PHACTR1: variants seen among roughly 807,000 people sequenced by gnomAD.
The protein encoded by PHACTR1 is phosphatase and actin regulator 1.
Under a neutral mutation model 69.2 loss-of-function variants are expected in PHACTR1, and 16 were observed. The ratio of observed to expected loss-of-function variants is 0.23; its 90% CI spans 0.16 to 0.35. PHACTR1 has a LOEUF of 0.35. PHACTR1 is among the 10% of genes least tolerant of loss of function. PHACTR1 has a pLI of 1.00. For missense variants in PHACTR1, 510 were observed against 734.7 expected, an observed-to-expected ratio of 0.69 and a Z score of 3.54; for synonymous variants, 312 against 284.5, an observed-to-expected ratio of 1.10 and a Z score of -0.97.
intron 11 of PHACTR1, chr6:13,274,721 C>T (rs993416102): frequency 1.3e-5 from 2 of 151,574 alleles, no homozygotes; most frequent in African/African-American, 2.4e-5. Flanking sequence ...TGGGAGACTA[C>T]AGGTCCTTTG....
intron 4 of PHACTR1, among the ~76,000 whole-genome samples, chr6:13,029,287 G>T (rs1802123541): frequency 6.6e-6 from 1 of 152,212 alleles, no homozygotes; most frequent in African/African-American, 2.4e-5. Flanking sequence ...CTGGACTTCA[G>T]GGGATGCCCT....
rs1466195767 is a variant in PHACTR1 at position 13,182,540 on chromosome 6, A to T, written c.518A>T (p.Asn173Ile). ...YDKDGELSIS[N>I]EEDSLENGQS... ...ACAGATGGGGAACTCTCTATATCCA[A>T]TGAAGAGGACTCCCTAGAAAATGGG... Residue 173 changes from asparagine to isoleucine, a missense_variant, in exon 7 of 15, where the codon AAT becomes ATT. Transcript: ENST00000332995. 6.2e-7 allele frequency: 1 copy of T among 1,613,924 alleles called. No homozygotes were observed. Among genetic ancestry groups the T allele is most frequent in the Non-Finnish European group, 8.5e-7 (1 of 1,179,832 alleles).
intron 4 of PHACTR1, among the ~76,000 whole-genome samples, chr6:12,897,991 T>G (rs1784839792): frequency 6.6e-6 from 1 of 152,170 alleles, no homozygotes; most frequent in African/African-American, 2.4e-5. Context: ...TGTGTTAGTT[T>G]GCTGAGAATA....
intron 5 of PHACTR1, among the ~76,000 whole-genome samples, chr6:13,077,137 G>A (rs1810622256): frequency 6.7e-6 from 1 of 148,730 alleles, no homozygotes; most frequent in African/African-American, 2.5e-5. Flanking sequence ...GTTGGCTTAG[G>A]AGGCTTCAGG....
intron 3 of PHACTR1, among the ~76,000 whole-genome samples, chr6:12,736,455 A>G (rs1764264402): frequency 6.6e-6 from 1 of 152,186 alleles, no homozygotes; most frequent in Non-Finnish European, 1.5e-5. Context: ...AATCAATACA[A>G]AAATTCAAAG....
intron 4 of PHACTR1, among the ~76,000 whole-genome samples, chr6:12,959,196 GAAAAGAA>G (rs1290711657): frequency 1.3e-5 from 1 of 77,854 alleles, no homozygotes; most frequent in Non-Finnish European, 2.5e-5. Context: ...AAAAAAAAAA[GAAAAGAA>G]AAAAAAAAGA....
chr6:12,878,815 G>A (rs1047409894), intron 4 of PHACTR1, among the ~76,000 whole-genome samples: 1 of 152,172 alleles, frequency 6.6e-6, no homozygotes, highest in African/African-American at 2.4e-5. Flanking sequence ...GGTCCTGAAA[G>A]TGTTTATATT....
At chr6:12,864,463 G>A (rs867951374) in intron 4 of PHACTR1, among the ~76,000 whole-genome samples, 11 of 152,206 alleles carry the variant, frequency 7.2e-5, no homozygotes, top group Middle Eastern at 3.4e-3. Flanking sequence ...GGCGGATCAC[G>A]AGGTCAGAAG....
At chr6:12,931,862 G>C (rs1478167422) in intron 4 of PHACTR1, among the ~76,000 whole-genome samples, 1 of 151,966 alleles carries the variant, frequency 6.6e-6, no homozygotes, top group Non-Finnish European at 1.5e-5. Context: ...AGCCAGCTGA[G>C]ACCCAGGCCA....
intron 4 of PHACTR1, among the ~76,000 whole-genome samples, chr6:12,849,446 G>A (rs9381439): frequency 0.19 from 28,756 of 152,022 alleles, 2,928 homozygotes; most frequent in African/African-American, 0.26. Flanking sequence ...GCTTCAGGCC[G>A]AACTCTTTGG....
At chr6:13,214,725 G>A (rs769673224) in intron 8 of PHACTR1, among the ~76,000 whole-genome samples, 21 of 152,200 alleles carry the variant, frequency 1.4e-4, no homozygotes, top group Admixed American at 2.6e-4. Flanking sequence ...TAGACCAGGT[G>A]AGTTCACATG....
intron 10 of PHACTR1, among the ~76,000 whole-genome samples, chr6:13,240,967 G>A (rs1772755354): frequency 1.3e-5 from 2 of 152,222 alleles, no homozygotes; most frequent in Non-Finnish European, 2.9e-5. Context: ...AATGATCTCA[G>A]AGATGATAAA....
chr6:12,801,747 A>G (rs986663861), intron 4 of PHACTR1, among the ~76,000 whole-genome samples: 5 of 152,112 alleles, frequency 3.3e-5, no homozygotes, highest in Non-Finnish European at 5.9e-5. Context: ...AGCAAGAAAA[A>G]CTGTCTGCAA....
intron 4 of PHACTR1, among the ~76,000 whole-genome samples, chr6:13,013,520 A>T (rs1799682986): frequency 6.6e-6 from 1 of 152,140 alleles, no homozygotes; most frequent in African/African-American, 2.4e-5. Flanking sequence ...GGAGCTCTTG[A>T]GAGTGAAGGT....
chr6:12,755,041 A>G (rs1267763174), intron 4 of PHACTR1, among the ~76,000 whole-genome samples: 1 of 152,256 alleles, frequency 6.6e-6, no homozygotes, highest in African/African-American at 2.4e-5. Flanking sequence ...GCACTTTCCC[A>G]TAAATATTTG....
At chr6:13,240,557 G>A (rs1007606112) in intron 10 of PHACTR1, among the ~76,000 whole-genome samples, 5 of 152,036 alleles carry the variant, frequency 3.3e-5, no homozygotes, top group East Asian at 1.9e-4. Context: ...AGTGATTGTC[G>A]TGCCTCAGCC....
chr6:13,047,663 C>T (rs1344388034), intron 4 of PHACTR1, among the ~76,000 whole-genome samples: 1 of 152,130 alleles, frequency 6.6e-6, no homozygotes, highest in Admixed American at 6.5e-5. Context: ...GAGATCTCCA[C>T]TGGGGTCCCA....
intron 4 of PHACTR1, among the ~76,000 whole-genome samples, chr6:12,781,596 A>T (rs1274508861): frequency 3.3e-5 from 5 of 152,188 alleles, no homozygotes; most frequent in Non-Finnish European, 5.9e-5. Context: ...ATCCTAATCC[A>T]CGGGGGCTTA....
At chr6:12,829,152 A>T (rs1777133267) in intron 4 of PHACTR1, among the ~76,000 whole-genome samples, 1 of 152,220 alleles carries the variant, frequency 6.6e-6, no homozygotes, top group Admixed American at 6.5e-5. Context: ...AGCAATTTGG[A>T]ATAGAAGCAA....
Sources: gnomAD v4.1 joint callset for allele counts (sites outside exome capture counted in the v4.1 genomes callset) on GRCh38, gnomAD v4.1.1 for gene constraint, MANE v1.5 for transcripts, NCBI Gene and HGNC (gene_info 2026-07-23, HGNC 2026-07-21) for gene names.